The following NRXN3 variants were observed in gnomAD, a reference collection of about 807,000 sequenced individuals.
NRXN3 encodes the protein neurexin III.
A neutral mutation model predicts 137.6 loss-of-function variants in NRXN3; 32 were observed. The observed-to-expected ratio is 0.23, with a 90% confidence interval of 0.18 to 0.31. The LOEUF is 0.31. Among genes scored for constraint, NRXN3 ranks in the 10% least tolerant of loss-of-function variants. The pLI is 1.00. For missense variants in NRXN3, 1,574 were observed against 2,062.5 expected (o/e 0.76, Z 4.59); for synonymous variants, 798 against 784.5 (o/e 1.02, Z -0.29).
intron 17 of NRXN3, among the ~76,000 whole-genome samples, chr14:79,691,208 G>C (rs193063515): frequency 4.6e-5 from 7 of 152,000 alleles, no homozygotes; most frequent in East Asian, 1.9e-4. Flanking sequence ...GAAGGAAGAG[G>C]GGGGGCATAC....
At chr14:78,334,670 C>T (rs534843097) in intron 4 of NRXN3, among the ~76,000 whole-genome samples, 1 of 152,170 alleles carries the variant, frequency 6.6e-6, no homozygotes, top group South Asian at 2.1e-4. Flanking sequence ...TTCTTACTAG[C>T]AAAGTGGGAG....
intron 2 of NRXN3, among the ~76,000 whole-genome samples, chr14:78,252,062 G>A (rs2068714705): frequency 6.6e-6 from 1 of 152,038 alleles, no homozygotes; most frequent in African/African-American, 2.4e-5. Flanking sequence ...AAAACAATAC[G>A]GGACTCCCTT....
At chr14:79,304,012 T>C (rs2085596530) in intron 15 of NRXN3, among the ~76,000 whole-genome samples, 1 of 152,128 alleles carries the variant, frequency 6.6e-6, no homozygotes. Context: ...GTTTACAAAG[T>C]CTTTTTACAA....
chr14:79,808,255 A>AAAAT (rs1555750671), intron 20 of NRXN3, among the ~76,000 whole-genome samples: 1 of 123,984 alleles, frequency 8.1e-6, no homozygotes, highest in Non-Finnish European at 1.6e-5. Context: ...AAAAAAAAAA[A>AAAAT]ATATATATAT....
chr14:78,252,266 T>C (rs190000519), intron 2 of NRXN3, among the ~76,000 whole-genome samples: 55 of 152,208 alleles, frequency 3.6e-4, no homozygotes, highest in Admixed American at 1.2e-3. Flanking sequence ...CAAAACTTAC[T>C]TTGCATCTAG....
chr14:79,187,842 G>A lies in NRXN3; in HGVS notation c.3262+199701G>A, dbSNP rs564721624. Among the ~76,000 whole-genome samples the A allele has an allele frequency of 9.9e-4, 151 of 152,248 alleles. 1 individual carries two copies. Among genetic ancestry groups the A allele is most frequent in the African/African-American group, 3.6e-3 (148 of 41,540 alleles). On this transcript the variant is annotated intron_variant, in intron 15 of 20. Transcript: ENST00000335750. Reference sequence around the variant, plus strand: ...CAGCTGGTGTGACTAAATTGTTTGCGACTTGAGGACATGGGTCATGCCCTC... The same window carrying A: ...CAGCTGGTGTGACTAAATTGTTTGCAACTTGAGGACATGGGTCATGCCCTC...
intron 4 of NRXN3, among the ~76,000 whole-genome samples, chr14:78,508,368 A>G (rs1224432672): frequency 6.6e-6 from 1 of 152,234 alleles, no homozygotes; most frequent in Non-Finnish European, 1.5e-5. Flanking sequence ...CCAGTGTCCC[A>G]CAAGGGTGAA....
chr14:79,505,708 A>G (rs1320768306), intron 16 of NRXN3, among the ~76,000 whole-genome samples: 1 of 152,194 alleles, frequency 6.6e-6, no homozygotes, highest in Non-Finnish European at 1.5e-5. Flanking sequence ...CTTTATGCAG[A>G]TGTTTTATGT....
intron 15 of NRXN3, among the ~76,000 whole-genome samples, chr14:79,181,408 C>A (rs140713523): frequency 6.6e-6 from 1 of 152,028 alleles, no homozygotes; most frequent in Non-Finnish European, 1.5e-5. Flanking sequence ...TGTGGCTGGG[C>A]ACGGTGGCTC....
At chr14:79,163,232 C>T (rs946586523) in intron 15 of NRXN3, among the ~76,000 whole-genome samples, 3 of 151,904 alleles carry the variant, frequency 2.0e-5, no homozygotes, top group South Asian at 2.1e-4. Context: ...GCTTGGTAGG[C>T]TTACCACAAT....
Position 79,861,578 on chromosome 14 carries a change from C to T in NRXN3, c.4330C>T (p.Pro1444Ser). ...ACCCCAGCCTGATATAGTCTTGCTTCCGTTGCCCACTGCCTATGAGCTAGA... is the reference window on the plus strand; with the variant it reads ...ACCCCAGCCTGATATAGTCTTGCTTTCGTTGCCCACTGCCTATGAGCTAGA... Reference protein sequence around the residue: ...LKPQPDIVLLPLPTAYELDST... With the variant: ...LKPQPDIVLLSLPTAYELDST... The change falls in exon 21 of 21, where the codon CCG (proline) becomes TCG (serine). Residue 1444 changes from proline (P) to serine (S), a missense_variant. Physicochemically the swap from Pro to Ser is moderately conservative, Grantham distance 74 (BLOSUM62 -1). This residue lies in a region of NRXN3 where 320 missense variants were observed against 387.1 expected (regional missense o/e 0.83). Transcript: ENST00000335750. This position sits in a 1 kb window ranked among gnomAD's most constrained non-coding sequence, Gnocchi z 5.4. The T allele has an allele frequency of 6.2e-7, 1 of 1,604,548 alleles. No homozygotes were observed. Among genetic ancestry groups the T allele is most frequent in the Non-Finnish European group, 8.5e-7 (1 of 1,175,846 alleles).
intron 4 of NRXN3, among the ~76,000 whole-genome samples, chr14:78,495,934 C>A (rs1599467792): frequency 6.6e-6 from 1 of 152,210 alleles, no homozygotes; most frequent in Admixed American, 6.5e-5. Flanking sequence ...ATCCTAATAT[C>A]TTCCTCACGT....
intron 10 of NRXN3, among the ~76,000 whole-genome samples, chr14:78,816,536 G>C (rs1200077658): frequency 6.6e-6 from 1 of 151,716 alleles, no homozygotes; most frequent in African/African-American, 2.4e-5. Context: ...ATTTTAGGGG[G>C]GTGCTATATT....
intron 15 of NRXN3, among the ~76,000 whole-genome samples, chr14:79,192,897 A>G (rs2064600605): frequency 6.7e-6 from 1 of 149,704 alleles, no homozygotes; most frequent in South Asian, 2.1e-4. Context: ...CAGCCTCCTG[A>G]GTAGCTGGGA....
intron 15 of NRXN3, among the ~76,000 whole-genome samples, chr14:79,274,101 CAAAAA>C (rs569693397): frequency 1.3e-5 from 1 of 74,258 alleles, no homozygotes; most frequent in Non-Finnish European, 2.8e-5. Context: ...GACTCCGTCT[CAAAAA>C]AAAAAAAAAA....
At chr14:79,585,293 G>A (rs1200902992) in intron 16 of NRXN3, among the ~76,000 whole-genome samples, 2 of 152,168 alleles carry the variant, frequency 1.3e-5, no homozygotes, top group Non-Finnish European at 2.9e-5. Flanking sequence ...CCAGACTTCT[G>A]AGGGAGTAAT....
intron 4 of NRXN3, among the ~76,000 whole-genome samples, chr14:78,520,691 A>G (rs2096272523): frequency 6.6e-6 from 1 of 152,202 alleles, no homozygotes; most frequent in South Asian, 2.1e-4. Context: ...CTGTATACTC[A>G]CAAACTTGTG....
chr14:79,166,190 T>A (rs1358649166), intron 15 of NRXN3, among the ~76,000 whole-genome samples: 1 of 152,004 alleles, frequency 6.6e-6, no homozygotes, highest in African/African-American at 2.4e-5. Context: ...TTACACATGC[T>A]AGGTGGTCTG....
chr14:79,544,795 A>G lies in NRXN3; in HGVS notation c.3444+77393A>G, dbSNP rs552997584. 2.6e-5 allele frequency among the ~76,000 whole-genome samples: 4 copies of G among 152,324 alleles called. No homozygotes were observed. The East Asian group carries it at 7.7e-4, about 29-fold the overall frequency. ...ACCTGGCAACTTGTTACAAACGCAT[A>G]TTGTTGATTCTCATTCCACAACTAT... On this transcript the variant is annotated intron_variant, in intron 16 of 20. Transcript: ENST00000335750.
Sources: gnomAD v4.1 joint callset for allele counts (sites outside exome capture counted in the v4.1 genomes callset) on GRCh38, gnomAD v4.1.1 for gene constraint, gnomAD v4.1.1 regional missense constraint, Gnocchi (gnomAD v3.1) non-coding constraint, MANE v1.5 for transcripts, NCBI Gene and HGNC (gene_info 2026-07-23, HGNC 2026-07-21) for gene names.